DPP10: variants seen among roughly 807,000 people sequenced by gnomAD.
DPP10 encodes dipeptidyl peptidase like 10.
DPP10 carries 33 observed loss-of-function variants against 120.9 expected under a neutral mutation model. The ratio of observed to expected loss-of-function variants is 0.27; its 90% confidence interval spans 0.21 to 0.37. The LOEUF is 0.37. Ranked by LOEUF, DPP10 falls within the 10% of genes least tolerant of loss-of-function variation. DPP10 has a pLI of 1.00. For synonymous variants in DPP10, 337 were observed against 326.1 expected (o/e 1.03, Z -0.36); for missense variants, 816 against 942.8 (o/e 0.87, Z 1.76).
intron 7 of DPP10, among the ~76,000 whole-genome samples, chr2:115,690,700 C>T (rs949871811): frequency 1.3e-5 from 2 of 152,160 alleles, no homozygotes; most frequent in Non-Finnish European, 2.9e-5. Context: ...AGACATGAGC[C>T]AGTGAGCCCC....
Position 115,727,784 on chromosome 2 carries a change from A to G in DPP10, c.577-32A>G, listed in dbSNP as rs371638769. 4 of 1,565,246 alleles carry G rather than the reference A, an allele frequency of 2.6e-6. No individual in the cohort carries two copies. In the African/African-American group the frequency reaches 4.2e-5, roughly 16 times the overall value. The stretch of plus-strand genomic sequence containing the variant: ...TTCAAAAGGCATCCTAACGTGTTGG[A>G]TTTTTTGTTTGTTTCACATTTCCTG... On this transcript the variant is annotated intron_variant, in intron 7 of 25. Coordinates refer to ENST00000410059, the MANE Select transcript of DPP10 (RefSeq NM_020868.6).
At chr2:115,466,842 T>C (rs1180634532) in intron 3 of DPP10, among the ~76,000 whole-genome samples, 3 of 152,128 alleles carry the variant, frequency 2.0e-5, no homozygotes, top group Non-Finnish European at 4.4e-5. Context: ...TGGTGGTTAA[T>C]AATATCTTCC....
chr2:115,195,181 A>G (rs1168340913), intron 1 of DPP10, among the ~76,000 whole-genome samples: 3 of 152,200 alleles, frequency 2.0e-5, no homozygotes, highest in African/African-American at 4.8e-5. Context: ...AGGGATTCCA[A>G]TTTGGATTCA....
At chr2:114,541,990 T>TA (rs1686988552) in intron 1 of DPP10, among the ~76,000 whole-genome samples, 2 of 151,606 alleles carry the variant, frequency 1.3e-5, no homozygotes, top group Admixed American at 1.3e-4. Flanking sequence ...AGATTTTTTT[T>TA]AAAAAACCAG....
intron 3 of DPP10, among the ~76,000 whole-genome samples, chr2:115,362,326 A>G (rs1473172893): frequency 6.6e-6 from 1 of 152,190 alleles, no homozygotes; most frequent in Non-Finnish European, 1.5e-5. Flanking sequence ...TTTTTAGTTT[A>G]TTATATCTAA....
At chr2:115,033,697 C>CCT (rs1704009999) in intron 1 of DPP10, among the ~76,000 whole-genome samples, 1 of 137,964 alleles carries the variant, frequency 7.2e-6, no homozygotes, top group Non-Finnish European at 1.6e-5. Context: ...ATCTTCCCTC[C>CCT]TTTTTTTTTT....
At chr2:115,031,950 AT>A (rs1703870581) in intron 1 of DPP10, among the ~76,000 whole-genome samples, 1 of 152,130 alleles carries the variant, frequency 6.6e-6, no homozygotes, top group Non-Finnish European at 1.5e-5. Context: ...GAATTATTCT[AT>A]TTTCAATGTT....
chr2:115,055,395 T>G (rs1376985580), intron 1 of DPP10, among the ~76,000 whole-genome samples: 8 of 152,188 alleles, frequency 5.3e-5, no homozygotes, highest in African/African-American at 1.9e-4. Flanking sequence ...AATCTTACTA[T>G]GTCATTCTTG....
At chr2:115,156,765 A>G (rs148192785) in intron 1 of DPP10, among the ~76,000 whole-genome samples, 1 of 152,356 alleles carries the variant, frequency 6.6e-6, no homozygotes, top group African/African-American at 2.4e-5. Flanking sequence ...TATTCATCAC[A>G]GGCAGACATT....
intron 2 of DPP10, among the ~76,000 whole-genome samples, chr2:115,329,547 A>G (rs1017805443): frequency 5.9e-5 from 9 of 151,938 alleles, no homozygotes; most frequent in Non-Finnish European, 1.2e-4. Flanking sequence ...TTAACTCATC[A>G]TTTACATTAG....
At chr2:115,179,313 T>C (rs938971445) in intron 1 of DPP10, among the ~76,000 whole-genome samples, 3 of 152,204 alleles carry the variant, frequency 2.0e-5, no homozygotes, top group African/African-American at 7.2e-5. Flanking sequence ...TGAATGACAC[T>C]GTGAAGTCTA....
At chr2:115,562,319 G>A (rs1299127211) in intron 5 of DPP10, among the ~76,000 whole-genome samples, 1 of 151,994 alleles carries the variant, frequency 6.6e-6, no homozygotes, top group African/African-American at 2.4e-5. Context: ...AATCCACGTG[G>A]CCTTAAAACC....
chr2:115,419,997 A>G lies in DPP10; in HGVS notation c.271+76085A>G, dbSNP rs576262367. Reference sequence around the variant, plus strand: ...TACATTATCCTTAACTGAGGGAAAAAATGTGTTATGGAAGTATTTTTGATT... The same window carrying G: ...TACATTATCCTTAACTGAGGGAAAAGATGTGTTATGGAAGTATTTTTGATT... On this transcript the variant is annotated intron_variant, in intron 3 of 25. Transcript: ENST00000410059. Among the ~76,000 whole-genome samples the G allele has an allele frequency of 9.2e-5, 14 of 152,282 alleles. No individual in the cohort carries two copies. The East Asian group carries it at 2.7e-3, about 29-fold the overall frequency.
chr2:115,807,232 G>T (rs535584090), intron 19 of DPP10, among the ~76,000 whole-genome samples: 1 of 152,306 alleles, frequency 6.6e-6, no homozygotes, highest in South Asian at 2.1e-4. Flanking sequence ...ATCATTAGGA[G>T]ATTGTACATT....
At chr2:115,451,692 G>C (rs565735922) in intron 3 of DPP10, among the ~76,000 whole-genome samples, 3 of 151,878 alleles carry the variant, frequency 2.0e-5, no homozygotes, top group Admixed American at 6.6e-5. Context: ...AACAATGTTT[G>C]CATGTTGGTT....
At chr2:115,780,603 C>G (rs968983796) in intron 15 of DPP10, among the ~76,000 whole-genome samples, 1 of 151,810 alleles carries the variant, frequency 6.6e-6, no homozygotes, top group South Asian at 2.1e-4. Flanking sequence ...GAAATCAGTT[C>G]TTTGTTTATA....
intron 1 of DPP10, among the ~76,000 whole-genome samples, chr2:115,185,179 A>G (rs1482271456): frequency 6.6e-6 from 1 of 152,050 alleles, no homozygotes; most frequent in African/African-American, 2.4e-5. Context: ...CATGCTTAAA[A>G]CGCACAGCAC....
intron 3 of DPP10, among the ~76,000 whole-genome samples, chr2:115,405,843 C>T (rs1331231114): frequency 6.6e-6 from 1 of 152,154 alleles, no homozygotes; most frequent in East Asian, 1.9e-4. Flanking sequence ...TGCTTGAGGC[C>T]TATCCCCCAC....
intron 1 of DPP10, among the ~76,000 whole-genome samples, chr2:114,767,353 G>A (rs994959979): frequency 9.4e-5 from 14 of 148,712 alleles, no homozygotes; most frequent in African/African-American, 3.4e-4. Context: ...TAAGAGACAC[G>A]AATGATAGAA....
Sources: gnomAD v4.1 joint callset for allele counts (sites outside exome capture counted in the v4.1 genomes callset) on GRCh38, gnomAD v4.1.1 for gene constraint, MANE v1.5 for transcripts, NCBI Gene and HGNC (gene_info 2026-07-23, HGNC 2026-07-21) for gene names.